PIEZO2: variants seen among roughly 807,000 people sequenced by gnomAD.
The protein encoded by PIEZO2 is piezo-type mechanosensitive ion channel component 2.
PIEZO2 carries 172 observed loss-of-function variants against 337.3 expected under a neutral mutation model. The ratio of observed to expected loss-of-function variants is 0.51; its 90% confidence interval spans 0.45 to 0.58. PIEZO2 has a LOEUF of 0.58. Among genes scored for constraint, PIEZO2 ranks in the 20% least tolerant of loss-of-function variants. The pLI is 0.00. For synonymous variants in PIEZO2, 1,251 were observed against 1,228.5 expected, an observed-to-expected ratio of 1.02 and a Z score of -0.38; for missense variants, 3,028 against 3,391.3, an observed-to-expected ratio of 0.89 and a Z score of 2.66.
intron 3 of PIEZO2, among the ~76,000 whole-genome samples, chr18:10,921,129 C>T (rs2031367229): frequency 6.6e-6 from 1 of 152,258 alleles, no homozygotes; most frequent in South Asian, 2.1e-4. Flanking sequence ...TAGAGGCCAG[C>T]TTTGATTACA....
At chr18:10,715,569 C>G in intron 38 of PIEZO2, 81 bp downstream of exon 38, 1 of 1,309,798 alleles carries the variant, frequency 7.6e-7, no homozygotes, top group Non-Finnish European at 1.0e-6. Flanking sequence ...TTTGTCTTAT[C>G]CTACCTGGAG....
At chr18:10,758,197 A>G (rs1258658775) in intron 26 of PIEZO2, 63 bp from the exon 27 acceptor site, 8 of 1,475,560 alleles carry the variant, frequency 5.4e-6, no homozygotes, top group Non-Finnish European at 6.3e-6. Flanking sequence ...ATAATGCAAC[A>G]CACAGTCATC....
At chr18:11,088,484 T>C (rs555890293) in intron 1 of PIEZO2, among the ~76,000 whole-genome samples, 1 of 152,372 alleles carries the variant, frequency 6.6e-6, no homozygotes, top group South Asian at 2.1e-4. Flanking sequence ...CATGCTCTGA[T>C]TGAATTGTAT....
At chr18:10,826,262 T>C (rs918269177) in intron 7 of PIEZO2, among the ~76,000 whole-genome samples, 2 of 152,234 alleles carry the variant, frequency 1.3e-5, no homozygotes, top group African/African-American at 4.8e-5. Flanking sequence ...TATGTGTGCA[T>C]ATACGCAGAT....
intron 1 of PIEZO2, among the ~76,000 whole-genome samples, chr18:11,100,873 GCA>G (rs1568373701): frequency 3.9e-5 from 6 of 152,080 alleles, no homozygotes; most frequent in Non-Finnish European, 8.8e-5. Flanking sequence ...GGGATTACAG[GCA>G]TGAGCCACCG....
intron 4 of PIEZO2, among the ~76,000 whole-genome samples, chr18:10,901,938 C>T (rs1396519084): frequency 6.6e-6 from 1 of 151,946 alleles, no homozygotes; most frequent in Non-Finnish European, 1.5e-5. Context: ...AGGAGAGGCT[C>T]TCTCTAGGGT....
At chr18:10,674,536 G>T (rs1275714757) in intron 54 of PIEZO2, among the ~76,000 whole-genome samples, 1 of 152,226 alleles carries the variant, frequency 6.6e-6, no homozygotes, top group African/African-American at 2.4e-5. Context: ...ACTTATGTCT[G>T]CATCTTTCTA....
chr18:10,725,756 TGACAGGC>T, intron 36 of PIEZO2, among the ~76,000 whole-genome samples: 1 of 152,330 alleles, frequency 6.6e-6, no homozygotes, highest in Middle Eastern at 3.4e-3. Context: ...GGTGAGGCCC[TGACAGGC>T]CAGAGGGAGA....
intron 1 of PIEZO2, among the ~76,000 whole-genome samples, chr18:11,103,677 T>C (rs1416386104): frequency 4.6e-5 from 7 of 152,222 alleles, no homozygotes; most frequent in African/African-American, 1.7e-4. Flanking sequence ...CCATTGCTTC[T>C]GTGCCCCTGG....
At chr18:10,938,466 G>T (rs1276242257) in intron 3 of PIEZO2, among the ~76,000 whole-genome samples, 1 of 152,158 alleles carries the variant, frequency 6.6e-6, no homozygotes, top group Non-Finnish European at 1.5e-5. Context: ...GGAAGGAAAG[G>T]CTCATAAATC....
intron 39 of PIEZO2, among the ~76,000 whole-genome samples, chr18:10,712,636 C>T (rs770440878): frequency 3.9e-5 from 6 of 152,198 alleles, no homozygotes; most frequent in East Asian, 1.9e-4. Context: ...GACACAGTGA[C>T]GCTCTGGTAA....
At chr18:10,995,081 A>AAAAAAAAAAAGAAAG (rs1488190370) in intron 2 of PIEZO2, among the ~76,000 whole-genome samples, 3,399 of 147,598 alleles carry the variant, frequency 0.023, 95 homozygotes, top group Non-Finnish European at 0.038. Context: ...CCGTCTCAAA[A>AAAAAAAAAAAGAAAG]AAAAAAAAAA....
At chr18:10,699,927 T>G (rs1490398033) in intron 43 of PIEZO2, among the ~76,000 whole-genome samples, 1 of 152,198 alleles carries the variant, frequency 6.6e-6, no homozygotes, top group Admixed American at 6.5e-5. Flanking sequence ...GGACAAGAGC[T>G]CCAGGCCAAT....
chr18:11,013,436 T>C (rs1197671292), intron 2 of PIEZO2, among the ~76,000 whole-genome samples: 1 of 152,236 alleles, frequency 6.6e-6, no homozygotes, highest in African/African-American at 2.4e-5. Flanking sequence ...GATAATACAT[T>C]TGTATTGTCT....
At chr18:11,130,172 C>G (rs77631456) in intron 1 of PIEZO2, among the ~76,000 whole-genome samples, 30 of 152,324 alleles carry the variant, frequency 2.0e-4, no homozygotes, top group African/African-American at 7.2e-4. Flanking sequence ...CACCACATTC[C>G]AGTTCAACTC....
chr18:10,948,159 T>C (rs2033118867), intron 3 of PIEZO2, among the ~76,000 whole-genome samples: 1 of 152,112 alleles, frequency 6.6e-6, no homozygotes, highest in African/African-American at 2.4e-5. Flanking sequence ...TTTTTTAGTT[T>C]TATTGCTAAT....
At chr18:11,024,363 G>A (rs1366279749) in intron 2 of PIEZO2, among the ~76,000 whole-genome samples, 1 of 151,962 alleles carries the variant, frequency 6.6e-6, no homozygotes, top group Non-Finnish European at 1.5e-5. Context: ...GGGTAAGATA[G>A]TGAAACCCCA....
rs1949296173 is a variant in PIEZO2, at chr18:10,682,988, T to C, written c.7498-696A>G. Among the ~76,000 whole-genome samples, 2 of 152,216 alleles carry C rather than the reference T, an allele frequency of 1.3e-5. No homozygotes were observed. Among genetic ancestry groups the C allele is most frequent in the South Asian group, 2.1e-4 (1 of 4,836 alleles). ...CACTAAGCCCCCTGCTTAAAGACTA[T>C]GGACAAGTGGAAATTGGAGCTGTGC... is the stretch of plus-strand genomic sequence containing the variant. On this transcript the variant is annotated intron_variant, in intron 49 of 55. Transcript: ENST00000674853. This position sits in a 1 kb window ranked among gnomAD's most constrained non-coding sequence, Gnocchi z 5.6.
intron 7 of PIEZO2, among the ~76,000 whole-genome samples, chr18:10,849,132 C>A (rs2144656300): frequency 6.6e-6 from 1 of 152,330 alleles, no homozygotes; most frequent in East Asian, 1.9e-4. Context: ...TCTGCCTCAG[C>A]ATCCCGAGTA....
Sources: gnomAD v4.1 joint callset for allele counts (sites outside exome capture counted in the v4.1 genomes callset) on GRCh38, gnomAD v4.1.1 for gene constraint, Gnocchi (gnomAD v3.1) non-coding constraint, MANE v1.5 for transcripts, NCBI Gene and HGNC (gene_info 2026-07-23, HGNC 2026-07-21) for gene names.